FGF7: variants seen among roughly 807,000 people sequenced by gnomAD.
FGF7 encodes the protein fibroblast growth factor 7, also known as FGF-7.
In FGF7, 6 loss-of-function variants were observed where a neutral mutation model predicts 20.5. That is an observed-to-expected ratio of 0.29 (90% CI 0.16 to 0.58). The LOEUF (loss-of-function observed/expected upper bound fraction) is 0.58. FGF7 is among the 20% of genes least tolerant of loss of function. FGF7 has a pLI of 0.90. For missense variants in FGF7, 144 were observed against 228.8 expected (o/e 0.63, Z 2.39); for synonymous variants, 64 against 74.7 (o/e 0.86, Z 0.74).
intron 2 of FGF7, among the ~76,000 whole-genome samples, chr15:49,480,692 A>T (rs1422920611): frequency 6.6e-6 from 1 of 152,104 alleles, no homozygotes; most frequent in Non-Finnish European, 1.5e-5. Context: ...CATGTTGGCC[A>T]GGTTAGTATT....
intron 2 of FGF7, among the ~76,000 whole-genome samples, chr15:49,439,672 A>C (rs1278760976): frequency 6.6e-6 from 1 of 151,764 alleles, no homozygotes; most frequent in African/African-American, 2.4e-5. Flanking sequence ...CCTTATTGGA[A>C]CTGCTAATCT....
Position 49,459,028 on chromosome 15 carries a change from C to G in FGF7, c.287-24123C>G, listed in dbSNP as rs181514518. 4.5e-3 allele frequency among the ~76,000 whole-genome samples: 679 copies of G among 152,300 alleles called. 10 individuals are homozygous for G. Among genetic ancestry groups the G allele is most frequent in the African/African-American group, 0.016 (648 of 41,568 alleles). On this transcript the variant is annotated intron_variant, in intron 2 of 3. Coordinates refer to ENST00000267843, the MANE Select transcript of FGF7 (RefSeq NM_002009.4). Reference sequence around the variant, plus strand: ...ATTTCTATTAAAAAACACACAAAATCTACTGTCATATAACTAATACTCAAC... The same window carrying G: ...ATTTCTATTAAAAAACACACAAAATGTACTGTCATATAACTAATACTCAAC...
At chr15:49,458,999 C>T (rs1265555280) in intron 2 of FGF7, among the ~76,000 whole-genome samples, 1 of 152,044 alleles carries the variant, frequency 6.6e-6, no homozygotes, top group Non-Finnish European at 1.5e-5. Context: ...TTTGATTGTC[C>T]TTCATTTCTA....
At chr15:49,446,846 A>C (rs2052265380) in intron 2 of FGF7, among the ~76,000 whole-genome samples, 1 of 151,592 alleles carries the variant, frequency 6.6e-6, no homozygotes, top group Admixed American at 6.6e-5. Context: ...TAAATGGAGA[A>C]AGATACAAGC....
At chr15:49,426,260 G>A (rs7162373) in intron 2 of FGF7, among the ~76,000 whole-genome samples, 138,924 of 151,812 alleles carry the variant, frequency 0.92, 64,852 homozygotes, top group Non-Finnish European at 1. Context: ...ATTTTAAACC[G>A]CAGAATATAT....
intron 2 of FGF7, among the ~76,000 whole-genome samples, chr15:49,437,039 C>A (rs975776573): frequency 1.3e-5 from 2 of 151,528 alleles, no homozygotes; most frequent in Non-Finnish European, 3.0e-5. Context: ...TGCTAAGATG[C>A]TACAAAATTT....
chr15:49,427,832 T>C (rs1394585298), intron 2 of FGF7, among the ~76,000 whole-genome samples: 1 of 151,886 alleles, frequency 6.6e-6, no homozygotes. Context: ...GGGTAGATGG[T>C]TGGAGGGCAT....
intron 2 of FGF7, among the ~76,000 whole-genome samples, chr15:49,466,357 C>G (rs986256289): frequency 6.6e-6 from 1 of 152,072 alleles, no homozygotes; most frequent in African/African-American, 2.4e-5. Context: ...GTAGGCAGAG[C>G]AGGTAGAGAC....
intron 2 of FGF7, among the ~76,000 whole-genome samples, chr15:49,436,217 T>C (rs1325531030): frequency 6.6e-6 from 1 of 151,606 alleles, no homozygotes; most frequent in African/African-American, 2.4e-5. Context: ...AGCCAGTGTT[T>C]CAGATGATCC....
At chr15:49,470,662 G>GA (rs1219360785) in intron 2 of FGF7, among the ~76,000 whole-genome samples, 4 of 152,136 alleles carry the variant, frequency 2.6e-5, no homozygotes, top group Admixed American at 2.0e-4. Flanking sequence ...CCTGGAAGTT[G>GA]AAAAAATGGG....
rs2056488178 is a variant in FGF7, at chr15:49,487,400, T to A, written c.*2896T>A. On this transcript the variant is annotated 3_prime_UTR_variant, in exon 4 of 4. Transcript: ENST00000267843. Reference sequence around the variant, plus strand: ...CTTTCAAAGCAGTGAACAAAACATTTTGACATAAGCCATAATATAAATTAT... The same window carrying A: ...CTTTCAAAGCAGTGAACAAAACATTATGACATAAGCCATAATATAAATTAT... The A allele has an allele frequency of 6.7e-6, 1 of 150,222 alleles. No homozygotes were observed. The highest frequency in any genetic ancestry group is 1.5e-5 in the Non-Finnish European group (1 of 67,548). 9.3% of individuals were successfully genotyped at this position (150,222 alleles called of 1,614,324 possible). A position where few individuals can be genotyped will look rare whatever the true frequency, so the allele number is the denominator to read the frequency against.
chr15:49,448,841 C>T (rs886212937), intron 2 of FGF7, among the ~76,000 whole-genome samples: 6 of 151,728 alleles, frequency 4.0e-5, no homozygotes, highest in African/African-American at 1.4e-4. Flanking sequence ...CAAGAATGAA[C>T]CCTCTACAAT....
rs1426114074 is a variant in FGF7 at position 49,487,232 on chromosome 15, A to G, written c.*2728A>G. The G allele has an allele frequency of 6.6e-6, 1 of 151,878 alleles. No individual in the cohort carries two copies. The highest frequency in any genetic ancestry group is 1.5e-5 in the Non-Finnish European group (1 of 67,862). The allele number at this position is 151,878 out of a possible 1,614,324, so 9.4% of individuals were successfully genotyped here. A position where few individuals can be genotyped will look rare whatever the true frequency, so the allele number is the denominator to read the frequency against. ...CTATTCACCTTTTGTTTATGAATGG[A>G]AAGCTTTGTGCAAAATATACATATA... is the stretch of plus-strand genomic sequence containing the variant. On this transcript the variant is annotated 3_prime_UTR_variant, in exon 4 of 4. Transcript: ENST00000267843.
chr15:49,484,297 T>C lies in FGF7; in HGVS notation c.391-13T>C, dbSNP rs2056214825. On this transcript the variant is annotated splice_polypyrimidine_tract_variant and intron_variant, in intron 3 of 3. Coordinates refer to ENST00000267843, the MANE Select transcript of FGF7 (RefSeq NM_002009.4). ...CATTTGGATAATGTCTGTTTGTTTG[T>C]TTGTTTTAACAGAAAGAATGCAATG... 4 of 1,574,646 alleles carry C rather than the reference T, an allele frequency of 2.5e-6. No homozygotes were observed. The highest frequency in any genetic ancestry group is 3.4e-6 in the Non-Finnish European group (4 of 1,164,040).
chr15:49,449,580 T>A (rs74012379), intron 2 of FGF7, among the ~76,000 whole-genome samples: 2,607 of 152,126 alleles, frequency 0.017, 94 homozygotes, highest in African/African-American at 0.06. Flanking sequence ...TTGGCAACCT[T>A]ATACTTCTAT....
intron 2 of FGF7, among the ~76,000 whole-genome samples, chr15:49,439,911 G>C (rs2051477923): frequency 6.6e-6 from 1 of 151,736 alleles, no homozygotes; most frequent in Admixed American, 6.6e-5. Context: ...ATTTTGACAT[G>C]AAGTTTGCAG....
intron 2 of FGF7, among the ~76,000 whole-genome samples, chr15:49,443,816 G>A (rs1225251732): frequency 6.6e-6 from 1 of 151,624 alleles, no homozygotes; most frequent in Admixed American, 6.6e-5. Flanking sequence ...CATTTTGTGA[G>A]TATTATATTT....
chr15:49,427,679 A>C (rs909204984), intron 2 of FGF7, among the ~76,000 whole-genome samples: 8 of 152,136 alleles, frequency 5.3e-5, no homozygotes, highest in African/African-American at 1.9e-4. Context: ...AATAGGCTTC[A>C]GAGGACTACT....
intron 2 of FGF7, among the ~76,000 whole-genome samples, chr15:49,442,853 T>C (rs182317085): frequency 1.4e-4 from 21 of 151,860 alleles, no homozygotes. Flanking sequence ...ACTAAGTCAC[T>C]ACAATTCACC....
Sources: allele counts gnomAD v4.1 joint callset (sites outside exome capture counted in the v4.1 genomes callset), GRCh38; gene constraint gnomAD v4.1.1; transcripts MANE v1.5; gene names NCBI Gene and HGNC (gene_info 2026-07-23, HGNC 2026-07-21).